Variants in TOR1B observed in about 807,000 individuals in gnomAD.
TOR1B encodes the protein torsin family 1 member B, also known as torsin-1B.
TOR1B carries 14 observed loss-of-function variants against 29.2 expected under a neutral mutation model. The observed-to-expected ratio is 0.48, with a 90% CI of 0.32 to 0.75. The LOEUF (loss-of-function observed/expected upper bound fraction) is 0.75, where lower values mean the gene tolerates loss of function less well. TOR1B is among the 30% of genes least tolerant of loss of function. The pLI is 0.04. For missense variants in TOR1B, 400 were observed against 433.9 expected (o/e 0.92, Z 0.69); for synonymous variants, 166 against 179.8 (o/e 0.92, Z 0.62).
rs1347626060 is a variant in TOR1B at position 129,810,108 on chromosome 9, G to C, written c.*525G>C. ...CTCAGAAGCTACGGTCACAACTAAAGGAGTCCAGGGACTTGCTGCAGGCTG... is the reference window on the plus strand; with the variant it reads ...CTCAGAAGCTACGGTCACAACTAAACGAGTCCAGGGACTTGCTGCAGGCTG... On this transcript the variant is annotated 3_prime_UTR_variant, in exon 5 of 5. Coordinates refer to ENST00000259339, the MANE Select transcript of TOR1B (RefSeq NM_014506.3). The C allele has an allele frequency of 1.5e-5, 19 of 1,291,852 alleles. No homozygotes were observed. The highest frequency in any genetic ancestry group is 2.3e-4 in the Middle Eastern group (1 of 4,384). The allele number at this position is 1,291,852 out of a possible 1,614,324, so 80.0% of individuals were successfully genotyped here.
chr9:129,803,446 CG>C, intron 1 of TOR1B, 35 bp downstream of exon 1: 2 of 918,702 alleles, frequency 2.2e-6, no homozygotes, highest in Non-Finnish European at 2.7e-6. Flanking sequence ...GTCGGCGCTG[CG>C]GGGGGCGCGG....
At position 129,803,219 on chromosome 9, in the gene TOR1B, C is replaced by G. The variant is rs1331052366; in HGVS notation, c.7C>G (p.Arg3Gly). Residue 3 changes from arginine (R) to glycine (G), a missense_variant, in exon 1 of 5, where the codon CGG becomes GGG. Transcript: ENST00000259339. ...GCGGGCTTCGAGGAGCGGGATGTTG[C>G]GGGCTGGGTGGCTCCGGGGCGCGGC... ML[R>G]AGWLRGAAAL... The G allele has an allele frequency of 1.3e-6, 2 of 1,501,172 alleles. No homozygotes were observed. Among genetic ancestry groups the G allele is most frequent in the East Asian group, 5.1e-5 (2 of 38,970 alleles). 93.0% of individuals were successfully genotyped at this position (1,501,172 alleles called of 1,614,324 possible).
rs1476720597 is a variant in TOR1B, at chr9:129,811,023, C to G, written c.*1440C>G. ...TGAATCATTGTATCTGTCTCATAAT[C>G]ACAGCACAGCTGCAGACACAACAAC... On this transcript the variant is annotated 3_prime_UTR_variant, in exon 5 of 5. Transcript: ENST00000259339. 6.6e-6 allele frequency: 1 copy of G among 152,172 alleles called. No individual in the cohort carries two copies. The highest frequency in any genetic ancestry group is 2.4e-5 in the African/African-American group (1 of 41,446). 9.4% of individuals were successfully genotyped at this position (152,172 alleles called of 1,614,324 possible).
rs149815190 is a variant in TOR1B, at chr9:129,803,397, C to T, written c.185C>T (p.Pro62Leu). Residue 62 changes from proline to leucine, a missense_variant, in exon 1 of 5, where the codon CCG becomes CTG. Coordinates refer to ENST00000259339, the MANE Select transcript of TOR1B (RefSeq NM_014506.3). ...RFAECCREER[P>L]LNASALKLDL... The stretch of plus-strand genomic sequence containing the variant: ...GCCGAGTGCTGCCGCGAGGAGCGGC[C>T]GCTCAACGCTTCGGGTACGGCGCGC... The T allele has an allele frequency of 3.2e-5, 49 of 1,543,838 alleles. No homozygotes were observed. The highest frequency in any genetic ancestry group is 3.4e-4 in the Middle Eastern group (2 of 5,868).
intron 2 of TOR1B, among the ~76,000 whole-genome samples, chr9:129,806,247 G>C (rs536138974): frequency 6.6e-6 from 1 of 152,174 alleles, no homozygotes; most frequent in Non-Finnish European, 1.5e-5. Flanking sequence ...CTGCTAAAAA[G>C]GAAGGAAGGA....
At chr9:129,807,508 T>C in intron 3 of TOR1B, 145 bp downstream of exon 3, 1 of 966,244 alleles carries the variant, frequency 1.0e-6, no homozygotes, top group Non-Finnish European at 1.5e-6. Flanking sequence ...TTACTTTTCC[T>C]TTGCCAGTCT....
At chr9:129,807,414 G>A in intron 3 of TOR1B, 51 bp downstream of exon 3, 1 of 1,598,488 alleles carries the variant, frequency 6.3e-7, no homozygotes, top group Middle Eastern at 1.7e-4. Context: ...TTCTCTCAAT[G>A]ATAAAATGAG....
intron 4 of TOR1B, 63 bp downstream of exon 4, chr9:129,809,095 T>C: frequency 1.0e-5 from 16 of 1,548,676 alleles, no homozygotes; most frequent in Non-Finnish European, 1.4e-5. Context: ...GCTCTTTCAT[T>C]GAGTGTTTCA....
intron 3 of TOR1B, among the ~76,000 whole-genome samples, chr9:129,808,171 T>G (rs1328684181): frequency 6.6e-6 from 1 of 152,170 alleles, no homozygotes; most frequent in African/African-American, 2.4e-5. Flanking sequence ...CACTTTTTTG[T>G]CTAGTAGCAC....
At chr9:129,806,480 T>C (rs1451259172) in intron 2 of TOR1B, among the ~76,000 whole-genome samples, 5 of 152,216 alleles carry the variant, frequency 3.3e-5, no homozygotes, top group African/African-American at 1.2e-4. Context: ...CACTGTGTAC[T>C]GTGCAGGTCT....
rs72755214 is a variant in TOR1B at position 129,809,739 on chromosome 9, G to A, written c.*156G>A. The A allele has an allele frequency of 0.012, 17,763 of 1,435,386 alleles. 203 individuals are homozygous for A. Among genetic ancestry groups the A allele is most frequent in the Middle Eastern group, 0.04 (154 of 3,864 alleles). 88.9% of individuals were successfully genotyped at this position (1,435,386 alleles called of 1,614,324 possible). ...TTTTTTTGAGAAGAGGTCTCACTCC[G>A]TCATCCAAGCTGGAGTGCAGTGGTG... On this transcript the variant is annotated 3_prime_UTR_variant, in exon 5 of 5. Transcript: ENST00000259339.
At position 129,804,145 on chromosome 9, in the gene TOR1B, C is replaced by CT. The variant is rs1327582092; in HGVS notation, c.273dup (p.Gly92TrpfsTer33). ...ACGGAAGTGATTTTCAAGGCGCTGA[C>CT]TGGCTTCAGGAACAACAAAAATCCC... On this transcript the variant is annotated frameshift_variant, in exon 2 of 5. Transcript: ENST00000259339. LOFTEE classifies it high-confidence loss of function. The CT allele has an allele frequency of 6.2e-6, 10 of 1,614,122 alleles. No individual in the cohort carries two copies. Among genetic ancestry groups the CT allele is most frequent in the South Asian group, 2.2e-5 (2 of 91,090 alleles).
intron 2 of TOR1B, among the ~76,000 whole-genome samples, chr9:129,805,657 G>C (rs2030440611): frequency 6.6e-6 from 1 of 152,210 alleles, no homozygotes; most frequent in Non-Finnish European, 1.5e-5. Flanking sequence ...TTCATTCAAT[G>C]CTGCCCACCT....
At position 129,810,491 on chromosome 9, in the gene TOR1B, C is replaced by T; in HGVS notation, c.*908C>T. 1.8e-6 allele frequency: 2 copies of T among 1,098,332 alleles called. No individual in the cohort carries two copies. The highest frequency in any genetic ancestry group is 2.3e-6 in the Non-Finnish European group (2 of 874,148). The allele number at this position is 1,098,332 out of a possible 1,614,324, so 68.0% of individuals were successfully genotyped here. On this transcript the variant is annotated 3_prime_UTR_variant, in exon 5 of 5. Coordinates refer to ENST00000259339, the MANE Select transcript of TOR1B (RefSeq NM_014506.3). The stretch of plus-strand genomic sequence containing the variant: ...CTCAGCTGGTATCAGCCCCAGCCTG[C>T]CTTGTGCCATATCTCAGCTTGGATC...
At chr9:129,805,139 G>GAAAA (rs34869382) in intron 2 of TOR1B, among the ~76,000 whole-genome samples, 2 of 105,472 alleles carry the variant, frequency 1.9e-5, no homozygotes, top group Admixed American at 1.0e-4. Context: ...CTCTGTCTCA[G>GAAAA]AAAAAAAAAA....
chr9:129,810,354 G>GGGT lies in TOR1B; in HGVS notation c.*773_*774insTGG. 1 of 1,077,352 alleles carries GGGT rather than the reference G, an allele frequency of 9.3e-7. No homozygotes were observed. Among genetic ancestry groups the GGGT allele is most frequent in the South Asian group, 1.5e-5 (1 of 68,540 alleles). The allele number at this position is 1,077,352 out of a possible 1,614,324, so 66.7% of individuals were successfully genotyped here. ...GCTGACCTGTGTGTGTGTGTGTGGG[G>GGGT]GGGTGGGGCCTTCACCTAAGACCTC... On this transcript the variant is annotated 3_prime_UTR_variant, in exon 5 of 5. Coordinates refer to ENST00000259339, the MANE Select transcript of TOR1B (RefSeq NM_014506.3).
At chr9:129,805,790 A>G (rs2030445002) in intron 2 of TOR1B, among the ~76,000 whole-genome samples, 1 of 152,174 alleles carries the variant, frequency 6.6e-6, no homozygotes, top group South Asian at 2.1e-4. Flanking sequence ...GCTTTCTTCA[A>G]AGGAAGCCTC....
At chr9:129,806,117 T>C (rs2030464816) in intron 2 of TOR1B, among the ~76,000 whole-genome samples, 1 of 121,554 alleles carries the variant, frequency 8.2e-6, no homozygotes, top group African/African-American at 3.3e-5. Context: ...TAAGACTCTA[T>C]CTCAAAAAAA....
chr9:129,806,039 T>G (rs112026110), intron 2 of TOR1B, among the ~76,000 whole-genome samples: 8,001 of 151,520 alleles, frequency 0.053, 655 homozygotes, highest in African/African-American at 0.17. Context: ...GAGGATCGCT[T>G]GAGCCCGGGA....
Sources: gnomAD v4.1 joint callset for allele counts (sites outside exome capture counted in the v4.1 genomes callset) on GRCh38, gnomAD v4.1.1 for gene constraint, MANE v1.5 for transcripts, NCBI Gene and HGNC (gene_info 2026-07-23, HGNC 2026-07-21) for gene names.